Variants in KMT2E observed in about 807,000 individuals in gnomAD.
KMT2E encodes lysine methyltransferase 2E (inactive).
A neutral mutation model predicts 184.6 loss-of-function variants in KMT2E; 30 were observed. The observed-to-expected ratio is 0.16, with a 90% CI of 0.12 to 0.22. KMT2E has a LOEUF of 0.22. KMT2E is among the 10% of genes least tolerant of loss of function. The pLI is 1.00. For missense variants in KMT2E, 2,023 were observed against 2,237.4 expected (o/e 0.90, Z 1.93); for synonymous variants, 815 against 776.5 (o/e 1.05, Z -0.82).
At chr7:105,073,738 C>T (rs1023362211) in intron 7 of KMT2E, 61 bp downstream of exon 7, 11 of 990,494 alleles carry the variant, frequency 1.1e-5, no homozygotes, top group Non-Finnish European at 1.6e-5. Flanking sequence ...AAACGGTTCT[C>T]TCAACTTTTA....
At chr7:105,048,291 C>G (rs937755965) in intron 3 of KMT2E, among the ~76,000 whole-genome samples, 1 of 152,126 alleles carries the variant, frequency 6.6e-6, no homozygotes, top group Admixed American at 6.6e-5. Context: ...TCTGCCTTGG[C>G]CTCCCAACGT....
In KMT2E at chr7:105,111,848, T is replaced by A. The variant is rs150672334; in HGVS notation, c.4092T>A (p.Ile1364=). Residue 1364 remains isoleucine (I), a synonymous_variant, in exon 27 of 27, where the codon ATT becomes ATA. Coordinates refer to ENST00000311117, the MANE Select transcript of KMT2E (RefSeq NM_182931.3). ...MSKPGSPGSV[I]PAQAHGKIFT... ...AGCCTGGTTCACCTGGATCTGTAATTCCTGCTCAAGCACACGGGAAAATAT... is the reference window on the plus strand; with the variant it reads ...AGCCTGGTTCACCTGGATCTGTAATACCTGCTCAAGCACACGGGAAAATAT... 1.1e-4 allele frequency: 180 copies of A among 1,613,168 alleles called. No individual in the cohort carries two copies. Among genetic ancestry groups the A allele is most frequent in the Non-Finnish European group, 1.4e-4 (171 of 1,179,724 alleles).
At chr7:105,034,399 A>AT (rs1554380269) in intron 1 of KMT2E, among the ~76,000 whole-genome samples, 2 of 151,876 alleles carry the variant, frequency 1.3e-5, no homozygotes, top group East Asian at 1.9e-4. Flanking sequence ...TGCCCAGCTA[A>AT]TTTTTTTATT....
At chr7:105,051,289 G>T (rs1420567353) in intron 3 of KMT2E, among the ~76,000 whole-genome samples, 1 of 151,854 alleles carries the variant, frequency 6.6e-6, no homozygotes, top group Non-Finnish European at 1.5e-5. Flanking sequence ...AGGTTCAAGC[G>T]ATTCTCCTGC....
chr7:105,086,220 C>T (rs988592037), intron 13 of KMT2E, among the ~76,000 whole-genome samples: 3 of 152,086 alleles, frequency 2.0e-5, no homozygotes, highest in Non-Finnish European at 2.9e-5. Context: ...CTAGGGCTTT[C>T]TGAACATGTC....
At chr7:105,092,791 ATTTAGAGTATTACTTAT>A (rs1378740240) in intron 15 of KMT2E, among the ~76,000 whole-genome samples, 1 of 152,100 alleles carries the variant, frequency 6.6e-6, no homozygotes, top group Non-Finnish European at 1.5e-5. Flanking sequence ...TAGGAAACCA[ATTTAGAGTATTACTTAT>A]TTCTGTGTGT....
chr7:105,101,696 T>C (rs1469492740), intron 16 of KMT2E, 107 bp downstream of exon 16: 1 of 1,054,904 alleles, frequency 9.5e-7, no homozygotes, highest in Admixed American at 3.6e-5. Context: ...ATTAGCTTTT[T>C]AATAGCATTT....
At chr7:105,081,550 T>A in intron 12 of KMT2E, 138 bp from the exon 13 acceptor site, 1 of 614,438 alleles carries the variant, frequency 1.6e-6, no homozygotes, top group South Asian at 1.9e-5. Flanking sequence ...TAGATAGTTA[T>A]AAGCCTTGTC....
At chr7:105,017,383 A>G (rs1311362589) in intron 1 of KMT2E, among the ~76,000 whole-genome samples, 1 of 146,350 alleles carries the variant, frequency 6.8e-6, no homozygotes, top group African/African-American at 2.5e-5. Flanking sequence ...TTATTGCTTT[A>G]GGTTTTGTTT....
chr7:105,048,624 G>T (rs751365558), intron 3 of KMT2E, among the ~76,000 whole-genome samples: 16 of 152,002 alleles, frequency 1.1e-4, no homozygotes, highest in Non-Finnish European at 2.2e-4. Context: ...TAATTATTTT[G>T]GAATTTAGAA....
rs1247864044 is a variant in KMT2E at position 105,063,255 on chromosome 7, T to C, written c.187-96T>C. The C allele has an allele frequency of 1.4e-5, 12 of 847,344 alleles. 1 individual carries two copies. In the Middle Eastern group the frequency reaches 1.6e-3, roughly 114 times the overall value. 52.5% of individuals were successfully genotyped at this position (847,344 alleles called of 1,614,324 possible). A position where few individuals can be genotyped will look rare whatever the true frequency, so the allele number is the denominator to read the frequency against. On this transcript the variant is annotated intron_variant, in intron 4 of 26. Coordinates refer to ENST00000311117, the MANE Select transcript of KMT2E (RefSeq NM_182931.3). ...ATGAGCCAGTCTCATATCTCTTGAG[T>C]ATTGAAATTAAGGGTTGAATTTTAT... is the stretch of plus-strand genomic sequence containing the variant.
intron 15 of KMT2E, among the ~76,000 whole-genome samples, chr7:105,093,269 A>G (rs1307483897): frequency 6.6e-6 from 1 of 152,198 alleles, no homozygotes; most frequent in African/African-American, 2.4e-5. Flanking sequence ...CAGTAATTTT[A>G]TTCAGATTGA....
intron 12 of KMT2E, among the ~76,000 whole-genome samples, chr7:105,081,423 T>A (rs1005910468): frequency 1.7e-3 from 251 of 147,810 alleles, no homozygotes; most frequent in African/African-American, 3.6e-3. Context: ...ATATAGTATT[T>A]TTATTATTAT....
chr7:105,042,154 C>A (rs1321615869), intron 3 of KMT2E, among the ~76,000 whole-genome samples: 1 of 152,058 alleles, frequency 6.6e-6, no homozygotes, highest in Admixed American at 6.6e-5. Context: ...CCACACCCAG[C>A]TAATTTTTGT....
chr7:105,024,933 A>C (rs1795111192), intron 1 of KMT2E, among the ~76,000 whole-genome samples: 1 of 152,106 alleles, frequency 6.6e-6, no homozygotes, highest in African/African-American at 2.4e-5. Context: ...CAGAACCTAT[A>C]GGCTATTTGG....
At chr7:105,043,239 CT>C (rs756242064) in intron 3 of KMT2E, among the ~76,000 whole-genome samples, 587 of 140,202 alleles carry the variant, frequency 4.2e-3, no homozygotes, top group African/African-American at 0.011. Context: ...TTCTTTTTTT[CT>C]TTTTTTTTTT....
chr7:105,064,953 G>A (rs897118717), intron 5 of KMT2E, among the ~76,000 whole-genome samples: 4 of 151,936 alleles, frequency 2.6e-5, no homozygotes, highest in South Asian at 2.1e-4. Context: ...ATATAACGGC[G>A]ATGGTCTATA....
chr7:105,090,443 GTATTTGTTGAAT>G (rs1798154668), intron 14 of KMT2E, among the ~76,000 whole-genome samples, 170 bp downstream of exon 14: 1 of 152,156 alleles, frequency 6.6e-6, no homozygotes, highest in Non-Finnish European at 1.5e-5. Context: ...AATTTGTACA[GTATTTGTTGAAT>G]TATTAAGAAA....
intron 5 of KMT2E, among the ~76,000 whole-genome samples, chr7:105,064,778 A>C (rs200955554): frequency 1.1e-5 from 1 of 87,384 alleles, no homozygotes; most frequent in Non-Finnish European, 2.1e-5. Flanking sequence ...AAAACTAAAA[A>C]TACAGTGACA....
Sources: allele counts gnomAD v4.1 joint callset (sites outside exome capture counted in the v4.1 genomes callset), GRCh38; gene constraint gnomAD v4.1.1; transcripts MANE v1.5; gene names NCBI Gene and HGNC (gene_info 2026-07-23, HGNC 2026-07-21).